The following EPHA6 variants were observed in gnomAD, a reference collection of about 807,000 sequenced individuals.
EPHA6 encodes ephrin type-A receptor 6.
In EPHA6, 50 loss-of-function variants were observed where a neutral mutation model predicts 112.0. That is an observed-to-expected ratio of 0.45 (90% CI 0.36 to 0.56). EPHA6 has a LOEUF of 0.56. EPHA6 is among the 20% of genes least tolerant of loss of function. EPHA6 has a pLI of 0.00. For synonymous variants in EPHA6, 529 were observed against 490.7 expected, an observed-to-expected ratio of 1.08 and a Z score of -1.03; for missense variants, 1,280 against 1,417.4, an observed-to-expected ratio of 0.90 and a Z score of 1.56.
chr3:97,606,512 G>T (rs915333671), intron 12 of EPHA6, among the ~76,000 whole-genome samples: 4 of 151,232 alleles, frequency 2.6e-5, no homozygotes, highest in Non-Finnish European at 5.9e-5. Context: ...TAACTAGATG[G>T]ATGGTGATGT....
At chr3:97,269,499 C>G (rs184871628) in intron 5 of EPHA6, among the ~76,000 whole-genome samples, 3 of 152,154 alleles carry the variant, frequency 2.0e-5, no homozygotes, top group African/African-American at 7.2e-5. Flanking sequence ...AGCTTCATTT[C>G]GAACAAAAAT....
intron 4 of EPHA6, among the ~76,000 whole-genome samples, chr3:97,238,946 T>C (rs1335702695): frequency 6.6e-6 from 1 of 151,948 alleles, no homozygotes; most frequent in African/African-American, 2.4e-5. Flanking sequence ...GATTTTTTGT[T>C]TGCCTGTTTT....
At chr3:96,838,368 A>G (rs901212032) in intron 1 of EPHA6, among the ~76,000 whole-genome samples, 2 of 152,112 alleles carry the variant, frequency 1.3e-5, no homozygotes, top group Non-Finnish European at 2.9e-5. Context: ...GTACACAGGC[A>G]TGTGTCTTTA....
At chr3:97,707,822 T>C (rs1363925198) in intron 14 of EPHA6, among the ~76,000 whole-genome samples, 1 of 152,172 alleles carries the variant, frequency 6.6e-6, no homozygotes, top group Non-Finnish European at 1.5e-5. Context: ...ATCTGATGGT[T>C]TAAAAGTGTT....
intron 13 of EPHA6, among the ~76,000 whole-genome samples, chr3:97,634,465 T>G (rs1306060121): frequency 3.3e-5 from 5 of 151,746 alleles, no homozygotes; most frequent in Non-Finnish European, 5.9e-5. Context: ...GATAGAGAGA[T>G]AAAATAACAC....
intron 3 of EPHA6, among the ~76,000 whole-genome samples, chr3:97,055,745 A>G (rs2045831466): frequency 6.6e-6 from 1 of 152,126 alleles, no homozygotes; most frequent in South Asian, 2.1e-4. Flanking sequence ...TAGCATTTTC[A>G]TATTTTTCCT....
intron 5 of EPHA6, among the ~76,000 whole-genome samples, chr3:97,346,390 G>C (rs912072254): frequency 5.9e-5 from 9 of 152,094 alleles, no homozygotes; most frequent in African/African-American, 1.9e-4. Context: ...AAAAGAAACA[G>C]ATATAATAAA....
At chr3:97,617,331 G>A (rs908367431) in intron 13 of EPHA6, among the ~76,000 whole-genome samples, 2 of 151,906 alleles carry the variant, frequency 1.3e-5, no homozygotes, top group East Asian at 1.9e-4. Flanking sequence ...ACACAATGAA[G>A]TACACAGAAC....
chr3:97,046,762 A>G (rs2045521319), intron 3 of EPHA6, among the ~76,000 whole-genome samples: 2 of 152,144 alleles, frequency 1.3e-5, no homozygotes, highest in Admixed American at 1.3e-4. Context: ...ATTTAATAAT[A>G]TCATTAAAAA....
intron 13 of EPHA6, among the ~76,000 whole-genome samples, chr3:97,630,306 AT>A (rs1306954676): frequency 6.6e-6 from 1 of 151,992 alleles, no homozygotes; most frequent in Non-Finnish European, 1.5e-5. Context: ...TTATAATAAG[AT>A]TTTCAACTGG....
At chr3:97,220,960 A>G (rs2078177044) in intron 3 of EPHA6, among the ~76,000 whole-genome samples, 1 of 152,192 alleles carries the variant, frequency 6.6e-6, no homozygotes, top group South Asian at 2.1e-4. Context: ...ATTCCAAAAG[A>G]TGTAGTGATT....
chr3:97,176,476 T>C (rs2076837805), intron 3 of EPHA6, among the ~76,000 whole-genome samples: 1 of 151,872 alleles, frequency 6.6e-6, no homozygotes, highest in South Asian at 2.1e-4. Context: ...GGATTGATAT[T>C]AGTTTCCTTA....
intron 2 of EPHA6, among the ~76,000 whole-genome samples, chr3:96,925,824 T>C (rs572547626): frequency 2.8e-4 from 43 of 152,214 alleles, no homozygotes; most frequent in Non-Finnish European, 4.7e-4. Flanking sequence ...CAGGTTGGTC[T>C]CAAACTTCCG....
intron 6 of EPHA6, among the ~76,000 whole-genome samples, chr3:97,411,635 G>T (rs1036848225): frequency 4.0e-5 from 6 of 151,886 alleles, no homozygotes; most frequent in Non-Finnish European, 5.9e-5. Flanking sequence ...ATGCTATAGG[G>T]GAAAAGAAAC....
At chr3:97,651,478 A>G (rs1325333127) in intron 14 of EPHA6, among the ~76,000 whole-genome samples, 1 of 152,064 alleles carries the variant, frequency 6.6e-6, no homozygotes, top group African/African-American at 2.4e-5. Flanking sequence ...ATCACAGAAT[A>G]CATAATATTT....
At chr3:97,045,072 A>G (rs2045456693) in intron 3 of EPHA6, among the ~76,000 whole-genome samples, 1 of 152,096 alleles carries the variant, frequency 6.6e-6, no homozygotes, top group African/African-American at 2.4e-5. Flanking sequence ...CTGGTATTCT[A>G]TGAGACACTT....
intron 5 of EPHA6, among the ~76,000 whole-genome samples, chr3:97,269,551 T>A (rs1576810079): frequency 6.6e-6 from 1 of 152,220 alleles, no homozygotes; most frequent in Admixed American, 6.5e-5. Context: ...GTAGCAAAGT[T>A]CTATTGCAAT....
At chr3:97,514,972 G>T (rs2107602227) in intron 10 of EPHA6, among the ~76,000 whole-genome samples, 1 of 152,296 alleles carries the variant, frequency 6.6e-6, no homozygotes, top group East Asian at 1.9e-4. Flanking sequence ...GGCAGCCTGA[G>T]CAGACTAATA....
intron 3 of EPHA6, among the ~76,000 whole-genome samples, chr3:97,176,564 T>A (rs1437070371): frequency 6.6e-6 from 1 of 151,882 alleles, no homozygotes; most frequent in African/African-American, 2.4e-5. Flanking sequence ...TAGCTTTGAT[T>A]TTTGTTACTT....
Sources: allele counts gnomAD v4.1 joint callset (sites outside exome capture counted in the v4.1 genomes callset), GRCh38; gene constraint gnomAD v4.1.1; transcripts MANE v1.5; gene names NCBI Gene and HGNC (gene_info 2026-07-23, HGNC 2026-07-21).